The following EHBP1 variants were observed in gnomAD, a reference collection of about 807,000 sequenced individuals.
EHBP1 encodes EH domain-binding protein 1.
EHBP1 carries 55 observed loss-of-function variants against 144.0 expected under a neutral mutation model. The ratio of observed to expected loss-of-function variants is 0.38; its 90% confidence interval spans 0.31 to 0.48. The LOEUF is 0.48. Ranked by LOEUF, EHBP1 falls within the 20% of genes least tolerant of loss-of-function variation. EHBP1 has a pLI of 0.98. For missense variants in EHBP1, 1,200 were observed against 1,364.2 expected (o/e 0.88, Z 1.90); for synonymous variants, 469 against 472.7 (o/e 0.99, Z 0.10).
At position 63,045,050 on chromosome 2, in the gene EHBP1, C is replaced by T; in HGVS notation, c.3278-16C>T. 1 of 1,537,958 alleles carries T rather than the reference C, an allele frequency of 6.5e-7. No individual in the cohort carries two copies. The highest frequency in any genetic ancestry group is 8.8e-7 in the Non-Finnish European group (1 of 1,135,272). On this transcript the variant is annotated splice_polypyrimidine_tract_variant and intron_variant, in intron 21 of 22. Transcript: ENST00000431489. This position sits in a 1 kb window ranked among gnomAD's most constrained non-coding sequence, Gnocchi z 5.7. Reference sequence around the variant, plus strand: ...GAGGCCCTGCCGGTGGGTAACTAGCCTCCCGTCTTCTGCAGACTGGCAGAA... The same window carrying T: ...GAGGCCCTGCCGGTGGGTAACTAGCTTCCCGTCTTCTGCAGACTGGCAGAA...
In EHBP1 at chr2:62,784,994, A is replaced by T. The variant is rs1017718429; in HGVS notation, c.312+13602A>T. Reference sequence around the variant, plus strand: ...TTAAGCAGAGTGATAATATGGTCAGATTTGTATTTTTAAATAATCAGTTTT... The same window carrying T: ...TTAAGCAGAGTGATAATATGGTCAGTTTTGTATTTTTAAATAATCAGTTTT... On this transcript the variant is annotated intron_variant, in intron 5 of 22. Coordinates refer to ENST00000431489, the MANE Select transcript of EHBP1 (RefSeq NM_001142616.3). 7.2e-5 allele frequency among the ~76,000 whole-genome samples: 11 copies of T among 152,174 alleles called. No homozygotes were observed. In the South Asian group the frequency reaches 2.3e-3, roughly 32 times the overall value.
chr2:62,759,974 T>C (rs1206823380), intron 3 of EHBP1, among the ~76,000 whole-genome samples: 1 of 152,158 alleles, frequency 6.6e-6, no homozygotes, highest in Non-Finnish European at 1.5e-5. Context: ...TGCTTTCTAC[T>C]AGTACAGTTG....
rs1573860429 is a variant in EHBP1, at chr2:62,878,447, C to T, written c.1185+3915C>T. ...TCCAAAAAAAATAAGATGAGGGACT[C>T]CTCTCTAACGCATTCTGTGAGACCA... On this transcript the variant is annotated intron_variant, in intron 10 of 22. Transcript: ENST00000431489. Among the ~76,000 whole-genome samples, 3 of 152,260 alleles carry T rather than the reference C, an allele frequency of 2.0e-5. No homozygotes were observed. The East Asian group carries it at 5.8e-4, about 29-fold the overall frequency.
intron 5 of EHBP1, among the ~76,000 whole-genome samples, chr2:62,818,812 A>G (rs1281076041): frequency 2.6e-5 from 4 of 152,240 alleles, no homozygotes; most frequent in Non-Finnish European, 4.4e-5. Context: ...GAGAAAAGGC[A>G]CAAATAAATA....
At chr2:62,886,987 A>T (rs2051983757) in intron 10 of EHBP1, among the ~76,000 whole-genome samples, 1 of 152,216 alleles carries the variant, frequency 6.6e-6, no homozygotes, top group South Asian at 2.1e-4. Context: ...ATGTCAGCTT[A>T]GATTAAAAGA....
At chr2:62,782,999 TG>T (rs1000706042) in intron 5 of EHBP1, among the ~76,000 whole-genome samples, 1 of 151,944 alleles carries the variant, frequency 6.6e-6, no homozygotes, top group African/African-American at 2.4e-5. Flanking sequence ...TCAGATACAA[TG>T]GGGGTGTGGG....
At chr2:62,893,822 T>A (rs576879447) in intron 10 of EHBP1, among the ~76,000 whole-genome samples, 1 of 152,144 alleles carries the variant, frequency 6.6e-6, no homozygotes, top group East Asian at 1.9e-4. Flanking sequence ...GACAGGCAGA[T>A]CACTTGAGCT....
intron 6 of EHBP1, among the ~76,000 whole-genome samples, chr2:62,828,597 A>G (rs889748313): frequency 2.6e-5 from 4 of 152,164 alleles, no homozygotes; most frequent in Non-Finnish European, 5.9e-5. Context: ...CCTGTTGGAA[A>G]AACAATATAC....
chr2:62,930,378 A>G (rs1330080993), intron 10 of EHBP1, among the ~76,000 whole-genome samples: 1 of 152,238 alleles, frequency 6.6e-6, no homozygotes, highest in African/African-American at 2.4e-5. Flanking sequence ...GAAACTGAAA[A>G]AGGCAGAAAT....
chr2:62,701,944 A>C (rs1218321145), upstream of EHBP1, among the ~76,000 whole-genome samples: 3 of 152,188 alleles, frequency 2.0e-5, no homozygotes, highest in Non-Finnish European at 2.9e-5. Context: ...GGCACAGATA[A>C]ATTCCATTAG....
intron 1 of EHBP1, among the ~76,000 whole-genome samples, chr2:62,690,823 G>A (rs768928821): frequency 6.6e-6 from 1 of 152,156 alleles, no homozygotes; most frequent in Non-Finnish European, 1.5e-5. Context: ...TCAAAGGAAG[G>A]ATTTTGCCCT....
chr2:62,757,884 C>T (rs1345349473), intron 3 of EHBP1, among the ~76,000 whole-genome samples: 2 of 151,984 alleles, frequency 1.3e-5, no homozygotes, highest in Admixed American at 6.6e-5. Flanking sequence ...AATAGGACGC[C>T]TTCTGTAGTC....
chr2:62,955,203 G>A (rs2057621685), intron 13 of EHBP1, among the ~76,000 whole-genome samples: 1 of 151,996 alleles, frequency 6.6e-6, no homozygotes, highest in Non-Finnish European at 1.5e-5. Context: ...AGATTATACT[G>A]TGTTTATGAG....
At chr2:62,750,950 T>C (rs569588909) in intron 3 of EHBP1, among the ~76,000 whole-genome samples, 31 of 152,326 alleles carry the variant, frequency 2.0e-4, no homozygotes, top group Non-Finnish European at 3.8e-4. Context: ...TTTTACTTCC[T>C]CTTTTCCTAA....
In EHBP1 at chr2:62,804,252, G is replaced by A. The variant is rs370946513; in HGVS notation, c.313-21835G>A. Among the ~76,000 whole-genome samples the A allele has an allele frequency of 1.8e-4, 27 of 152,292 alleles. No homozygotes were observed. In the East Asian group the frequency reaches 4.1e-3, roughly 23 times the overall value. On this transcript the variant is annotated intron_variant, in intron 5 of 22. Coordinates refer to ENST00000431489, the MANE Select transcript of EHBP1 (RefSeq NM_001142616.3). ...ACAGTGCTGCAAAGAGCTTTGCTAT[G>A]TTAAAGAGTTTGAACTTGATTGTGG...
chr2:63,010,409 A>C (rs1162587622), intron 19 of EHBP1, among the ~76,000 whole-genome samples: 2 of 151,632 alleles, frequency 1.3e-5, no homozygotes, highest in Admixed American at 1.3e-4. Flanking sequence ...CTCAAGGAGA[A>C]ACCATCTAGA....
chr2:62,992,143 C>T (rs183263370), intron 16 of EHBP1, among the ~76,000 whole-genome samples: 129 of 152,192 alleles, frequency 8.5e-4, no homozygotes, highest in Non-Finnish European at 1.6e-3. Flanking sequence ...GCTGGCTAAT[C>T]GCACTGATAT....
intron 19 of EHBP1, among the ~76,000 whole-genome samples, chr2:63,034,372 A>T (rs1251606469): frequency 6.6e-6 from 1 of 152,068 alleles, no homozygotes; most frequent in Non-Finnish European, 1.5e-5. Context: ...ACTGAAAAAA[A>T]AATTTAAAAA....
chr2:62,795,740 T>TA (rs994196854), intron 5 of EHBP1, among the ~76,000 whole-genome samples: 3 of 152,130 alleles, frequency 2.0e-5, no homozygotes, highest in African/African-American at 7.2e-5. Context: ...AAATGCATTT[T>TA]AAAAAACATG....
Sources: gnomAD v4.1 joint callset for allele counts (sites outside exome capture counted in the v4.1 genomes callset) on GRCh38, gnomAD v4.1.1 for gene constraint, Gnocchi (gnomAD v3.1) non-coding constraint, MANE v1.5 for transcripts, NCBI Gene and HGNC (gene_info 2026-07-23, HGNC 2026-07-21) for gene names.